FAM13B: variants seen among roughly 807,000 people sequenced by gnomAD.
FAM13B encodes protein FAM13B.
FAM13B carries 60 observed loss-of-function variants against 117.3 expected under a neutral mutation model. That is an observed-to-expected ratio of 0.51 (90% confidence interval 0.42 to 0.63). The LOEUF (loss-of-function observed/expected upper bound fraction) is 0.63, where lower values mean the gene tolerates loss of function less well. Ranked by LOEUF, FAM13B falls within the 30% of genes least tolerant of loss-of-function variation. The probability of loss-of-function intolerance (pLI) is 0.00; values close to 1 mark genes in which losing one functional copy is unlikely to be tolerated. For missense variants in FAM13B, 972 were observed against 1,091.9 expected (o/e 0.89, Z 1.55); for synonymous variants, 332 against 356.1 (o/e 0.93, Z 0.76).
At chr5:138,043,955 A>G (rs1791572323) in intron 1 of FAM13B, among the ~76,000 whole-genome samples, 1 of 151,632 alleles carries the variant, frequency 6.6e-6, no homozygotes, top group Non-Finnish European at 1.5e-5. Context: ...GTCTCACTCC[A>G]TCTCCCAGGC....
intron 20 of FAM13B, 28 bp from the exon 21 acceptor site, chr5:137,943,244 T>C: frequency 6.3e-7 from 1 of 1,576,212 alleles, no homozygotes; most frequent in Non-Finnish European, 8.7e-7. Flanking sequence ...ATAAATAGTT[T>C]TACATTTTAA....
intron 4 of FAM13B, among the ~76,000 whole-genome samples, chr5:138,017,888 G>A (rs1379641934): frequency 6.6e-6 from 1 of 152,108 alleles, no homozygotes; most frequent in African/African-American, 2.4e-5. Context: ...TCTTCCTTTT[G>A]CTAGGAAATT....
At chr5:138,005,985 G>A (rs938960429) in intron 7 of FAM13B, among the ~76,000 whole-genome samples, 3 of 150,520 alleles carry the variant, frequency 2.0e-5, no homozygotes, top group Non-Finnish European at 2.9e-5. Context: ...TGCAAGCTCC[G>A]CCTCCCGGGT....
chr5:137,963,323 C>A (rs1418552002), intron 10 of FAM13B, among the ~76,000 whole-genome samples: 2 of 152,210 alleles, frequency 1.3e-5, no homozygotes, highest in Non-Finnish European at 2.9e-5. Context: ...GTAAGTCAAA[C>A]AGGTATCAAC....
intron 10 of FAM13B, among the ~76,000 whole-genome samples, chr5:137,977,056 C>G (rs1344248074): frequency 5.3e-5 from 8 of 152,004 alleles, no homozygotes; most frequent in Non-Finnish European, 1.5e-5. Context: ...CAAGGAATAC[C>G]CCTGAGAAAG....
chr5:137,955,088 G>T (rs563467223), intron 14 of FAM13B, among the ~76,000 whole-genome samples: 23 of 152,292 alleles, frequency 1.5e-4, no homozygotes, highest in African/African-American at 5.5e-4. Context: ...TCAAGTAGGG[G>T]AAAACCAGAA....
At position 137,945,919 on chromosome 5, in the gene FAM13B, T is replaced by C. The variant is rs369564411; in HGVS notation, c.2323A>G (p.Ser775Gly). 6.2e-6 allele frequency: 10 copies of C among 1,612,914 alleles called. No individual in the cohort carries two copies. In the South Asian group the frequency reaches 9.9e-5, roughly 16 times the overall value. ...RLVKQMLTRA[S>G]ITPVLGSPST... ...TTACTTACAAGGACAGGAGTGATGC[T>C]AGCTCTTGTCAGCATTTGTTTTACA... The change falls in exon 20 of 24, where the codon AGC (serine) becomes GGC (glycine). Residue 775 changes from serine (S) to glycine (G), a missense_variant. Coordinates refer to ENST00000689681, the MANE Select transcript of FAM13B (RefSeq NM_001385994.1).
At chr5:138,033,093 C>T, upstream of FAM13B, 1 of 721,334 alleles carries the variant, frequency 1.4e-6, no homozygotes, top group Non-Finnish European at 1.7e-6. Flanking sequence ...GGGCGGAGGC[C>T]GGGCCGGACG....
chr5:138,031,426 G>A (rs114542248), intron 1 of FAM13B, among the ~76,000 whole-genome samples: 2,526 of 152,222 alleles, frequency 0.017, 82 homozygotes, highest in African/African-American at 0.057. Flanking sequence ...GGTGACTCAC[G>A]CCTGTAATCC....
At chr5:137,994,309 A>T (rs1779334931) in intron 7 of FAM13B, among the ~76,000 whole-genome samples, 1 of 152,224 alleles carries the variant, frequency 6.6e-6, no homozygotes, top group Non-Finnish European at 1.5e-5. Context: ...CCACAAGGCT[A>T]CATACAAAAT....
chr5:137,995,749 T>C (rs1441451793), intron 7 of FAM13B, among the ~76,000 whole-genome samples: 2 of 152,220 alleles, frequency 1.3e-5, no homozygotes, highest in East Asian at 1.9e-4. Context: ...ATAAGTTATA[T>C]ATAACAAGTC....
chr5:137,943,199 C>T lies in FAM13B; in HGVS notation c.2358G>A (p.Lys786=), dbSNP rs934396898. The T allele has an allele frequency of 6.2e-6, 10 of 1,613,698 alleles. No homozygotes were observed. Among genetic ancestry groups the T allele is most frequent in the Admixed American group, 3.3e-5 (2 of 59,998 alleles). ...TTGGCTGTAACATCTGACCCCTTCG[C>T]TTGGTGGATGGAGATCCCTATAACA... is the stretch of plus-strand genomic sequence containing the variant. ...ITPVLGSPST[K]RRGQMLQPII... Residue 786 remains lysine (K), a synonymous_variant, in exon 21 of 24, where the codon AAG becomes AAA. Coordinates refer to ENST00000689681, the MANE Select transcript of FAM13B (RefSeq NM_001385994.1).
intron 10 of FAM13B, among the ~76,000 whole-genome samples, chr5:137,962,761 T>A (rs1207424895): frequency 4.6e-5 from 7 of 152,218 alleles, no homozygotes; most frequent in Middle Eastern, 3.4e-3. Flanking sequence ...AATGATGGTC[T>A]TCTGATCCTG....
intron 7 of FAM13B, 131 bp from the exon 8 acceptor site, chr5:137,988,446 T>C (rs1777789445): frequency 4.7e-6 from 3 of 644,684 alleles, no homozygotes; most frequent in Admixed American, 3.2e-5. Context: ...GTATTCTTGT[T>C]TACATATCAA....
rs1229999466 is a variant in FAM13B at position 137,938,142 on chromosome 5, A to G, written c.*2083T>C. On this transcript the variant is annotated 3_prime_UTR_variant, in exon 24 of 24. Transcript: ENST00000689681. Reference sequence around the variant, plus strand: ...TTCTACCAGCTACTGCTCAACTATGACACACAATACTGTCACAGAGCATAA... The same window carrying G: ...TTCTACCAGCTACTGCTCAACTATGGCACACAATACTGTCACAGAGCATAA... 2 of 152,522 alleles carry G rather than the reference A, an allele frequency of 1.3e-5. No homozygotes were observed. Among genetic ancestry groups the G allele is most frequent in the Non-Finnish European group, 1.5e-5 (1 of 68,028 alleles). 9.4% of individuals were successfully genotyped at this position (152,522 alleles called of 1,614,324 possible). A position where few individuals can be genotyped will look rare whatever the true frequency, so the allele number is the denominator to read the frequency against.
At position 137,988,436 on chromosome 5, in the gene FAM13B, GTA is replaced by G. The variant is rs1777787001; in HGVS notation, c.849-123_849-122del. ...ACCAGGAGAGCACATACTAAGTGTT[GTA>G]TTCTTGTTTACATATCAAGTTGGAA... On this transcript the variant is annotated intron_variant, in intron 7 of 23. Transcript: ENST00000689681. The G allele has an allele frequency of 5.6e-5, 39 of 694,034 alleles. 1 individual carries two copies. In the South Asian group the frequency reaches 7.3e-4, roughly 13 times the overall value. The allele number at this position is 694,034 out of a possible 1,614,324, so 43.0% of individuals were successfully genotyped here.
chr5:137,989,999 A>G (rs916366731), intron 7 of FAM13B, among the ~76,000 whole-genome samples: 15 of 152,040 alleles, frequency 9.9e-5, no homozygotes, highest in East Asian at 7.7e-4. Context: ...ATTTCTGTAG[A>G]AAAAAAACAA....
chr5:138,044,566 A>C (rs1268609349), intron 1 of FAM13B, among the ~76,000 whole-genome samples: 2 of 151,922 alleles, frequency 1.3e-5, no homozygotes, highest in Non-Finnish European at 2.9e-5. Context: ...AAAAAAAAAA[A>C]AACGGATAAT....
intron 4 of FAM13B, among the ~76,000 whole-genome samples, chr5:138,012,710 TG>T (rs1784350518): frequency 6.6e-6 from 1 of 152,194 alleles, no homozygotes; most frequent in South Asian, 2.1e-4. Context: ...CCTCTCGAAA[TG>T]AAGTGATTTA....
Sources: gnomAD v4.1 joint callset for allele counts (sites outside exome capture counted in the v4.1 genomes callset) on GRCh38, gnomAD v4.1.1 for gene constraint, MANE v1.5 for transcripts, NCBI Gene and HGNC (gene_info 2026-07-23, HGNC 2026-07-21) for gene names.